The following SIRT1 variants were observed in gnomAD, a reference collection of about 807,000 sequenced individuals.
SIRT1 encodes the protein sirtuin 1, also known as NAD-dependent protein deacetylase sirtuin-1.
In SIRT1, 24 loss-of-function variants were observed where a neutral mutation model predicts 67.9. That is an observed-to-expected ratio of 0.35 (90% CI 0.26 to 0.50). The LOEUF (loss-of-function observed/expected upper bound fraction) is 0.50. SIRT1 is among the 20% of genes least tolerant of loss of function. SIRT1 has a pLI of 0.98. For synonymous variants in SIRT1, 378 were observed against 350.7 expected (o/e 1.08, Z -0.87); for missense variants, 873 against 937.2 (o/e 0.93, Z 0.89).
At chr10:67,885,351 C>T (rs932196022) in intron 1 of SIRT1, 200 bp downstream of exon 1, 12 of 1,235,892 alleles carry the variant, frequency 9.7e-6, no homozygotes, top group Middle Eastern at 3.1e-4. Flanking sequence ...CGCTCTTTTC[C>T]TCCGTCCGTG....
chr10:67,912,967 T>G lies in SIRT1; in HGVS notation c.1851T>G (p.Ala617=), dbSNP rs1424483144. The G allele has an allele frequency of 2.5e-6, 4 of 1,613,916 alleles. No homozygotes were observed. Among genetic ancestry groups the G allele is most frequent in the Non-Finnish European group, 3.4e-6 (4 of 1,179,978 alleles). ...AGAAAAATGAAAGAACTTCAGTGGC[T>G]GGAACAGTGAGAAAATGCTGGCCTA... ...TGEKNERTSV[A]GTVRKCWPNR... is the part of the protein sequence containing the mutation. The change falls in exon 8 of 9, where the codon GCT becomes GCG. Residue 617 remains alanine (A), a synonymous_variant. Coordinates refer to ENST00000212015, the MANE Select transcript of SIRT1 (RefSeq NM_012238.5).
intron 4 of SIRT1, among the ~76,000 whole-genome samples, chr10:67,892,778 T>G (rs1235834234): frequency 6.6e-6 from 1 of 152,050 alleles, no homozygotes; most frequent in African/African-American, 2.4e-5. Flanking sequence ...ATTTCTGTAT[T>G]TTTAGTAGAG....
chr10:67,886,824 T>C (rs902265267), intron 1 of SIRT1, among the ~76,000 whole-genome samples: 1 of 152,160 alleles, frequency 6.6e-6, no homozygotes, highest in African/African-American at 2.4e-5. Flanking sequence ...TTGTTTGTGA[T>C]TGTATGATAC....
intron 8 of SIRT1, among the ~76,000 whole-genome samples, chr10:67,913,862 G>C (rs1842937275): frequency 6.6e-6 from 1 of 152,120 alleles, no homozygotes; most frequent in South Asian, 2.1e-4. Flanking sequence ...GTCATTTGCT[G>C]TAAATACATT....
At chr10:67,890,004 G>C (rs1184030790) in intron 3 of SIRT1, among the ~76,000 whole-genome samples, 1 of 150,840 alleles carries the variant, frequency 6.6e-6, no homozygotes, top group African/African-American at 2.4e-5. Flanking sequence ...TTTGGATACA[G>C]GGTCTTGCTG....
chr10:67,897,971 T>TTA (rs1554890155), intron 4 of SIRT1, among the ~76,000 whole-genome samples: 2 of 110,346 alleles, frequency 1.8e-5, no homozygotes, highest in African/African-American at 3.5e-5. Flanking sequence ...TTTTTTTTTT[T>TTA]AAGTAGGACT....
At position 67,912,681 on chromosome 10, in the gene SIRT1, C is replaced by T. The variant is rs61754500; in HGVS notation, c.1565C>T (p.Ala522Val). Residue 522 changes from alanine (A) to valine (V), a missense_variant, in exon 8 of 9, where the codon GCT becomes GTT. This residue lies in a region of SIRT1 where 295 missense variants were observed against 294.5 expected (regional missense o/e 1.00). Coordinates refer to ENST00000212015, the MANE Select transcript of SIRT1 (RefSeq NM_012238.5). ...EKPPRTQKEL[A>V]YLSELPPTPL... ...CCTCCACGAACACAAAAAGAATTGGCTTATTTGTCAGAGTTGCCACCCACA... is the reference window on the plus strand; with the variant it reads ...CCTCCACGAACACAAAAAGAATTGGTTTATTTGTCAGAGTTGCCACCCACA... The T allele has an allele frequency of 4.3e-6, 7 of 1,613,972 alleles. No homozygotes were observed. Among genetic ancestry groups the T allele is most frequent in the Admixed American group, 3.3e-5 (2 of 59,984 alleles).
intron 4 of SIRT1, among the ~76,000 whole-genome samples, chr10:67,893,303 C>T (rs1304279801): frequency 6.6e-6 from 1 of 152,138 alleles, no homozygotes; most frequent in Non-Finnish European, 1.5e-5. Flanking sequence ...CCCTTGCCCC[C>T]CACCTCCTGA....
intron 4 of SIRT1, among the ~76,000 whole-genome samples, chr10:67,894,343 A>C (rs959346479): frequency 6.6e-6 from 1 of 152,240 alleles, no homozygotes; most frequent in East Asian, 1.9e-4. Context: ...AGAGCAGACA[A>C]CTGGTTCATA....
intron 4 of SIRT1, among the ~76,000 whole-genome samples, chr10:67,894,378 G>A (rs948887072): frequency 6.6e-6 from 1 of 152,148 alleles, no homozygotes; most frequent in Non-Finnish European, 1.5e-5. Context: ...ATAATGTAAA[G>A]TTATTTTTTG....
Position 67,917,940 on chromosome 10 carries a change from T to C in SIRT1, c.*1347T>C, listed in dbSNP as rs2029974375. 1 of 152,474 alleles carries C rather than the reference T, an allele frequency of 6.6e-6. No homozygotes were observed. Among genetic ancestry groups the C allele is most frequent in the Non-Finnish European group, 1.5e-5 (1 of 68,032 alleles). The allele number at this position is 152,474 out of a possible 1,614,324, so 9.4% of individuals were successfully genotyped here. A position where few individuals can be genotyped will look rare whatever the true frequency, so the allele number is the denominator to read the frequency against. On this transcript the variant is annotated 3_prime_UTR_variant, in exon 9 of 9. Transcript: ENST00000212015. Reference sequence around the variant, plus strand: ...ACATCACTCCTAAATTAATAAAGTATTCCTCTGTTGCTTTAGTATTTATTA... The same window carrying C: ...ACATCACTCCTAAATTAATAAAGTACTCCTCTGTTGCTTTAGTATTTATTA...
intron 3 of SIRT1, among the ~76,000 whole-genome samples, chr10:67,890,892 C>T (rs34124629): frequency 0.011 from 1,732 of 151,622 alleles, 21 homozygotes; most frequent in Middle Eastern, 0.031. Context: ...CAGCCGGTCG[C>T]GGTGGCAGGC....
At chr10:67,910,698 A>G (rs931262139) in intron 7 of SIRT1, among the ~76,000 whole-genome samples, 6 of 152,224 alleles carry the variant, frequency 3.9e-5, no homozygotes, top group African/African-American at 1.4e-4. Context: ...CATAACGGTG[A>G]TATGTCGATA....
In SIRT1 at chr10:67,912,902, G is replaced by GA; in HGVS notation, c.1790dup (p.Asn597LysfsTer10). 6.2e-7 allele frequency: 1 copy of GA among 1,614,132 alleles called. No homozygotes were observed. The highest frequency in any genetic ancestry group is 8.5e-7 in the Non-Finnish European group (1 of 1,180,006). ...TGTTGAAAGTATTGCTGAACAGATG[G>GA]AAAATCCGGATTTGAAGAATGTTGG... On this transcript the variant is annotated frameshift_variant, in exon 8 of 9. Transcript: ENST00000212015. LOFTEE classifies it high-confidence loss of function.
At chr10:67,899,821 A>AAACCT (rs1842714014) in intron 4 of SIRT1, among the ~76,000 whole-genome samples, 1 of 152,050 alleles carries the variant, frequency 6.6e-6, no homozygotes, top group Admixed American at 6.6e-5. Flanking sequence ...GCGGTGGCTC[A>AAACCT]CACCTGTAAA....
chr10:67,912,349 A>T, intron 7 of SIRT1, 125 bp from the exon 8 acceptor site: 1 of 769,642 alleles, frequency 1.3e-6, no homozygotes, highest in Admixed American at 2.8e-5. Context: ...TATTTAGTGC[A>T]TGGGTCTTTT....
chr10:67,887,348 C>A, intron 1 of SIRT1, 69 bp from the exon 2 acceptor site: 1 of 967,704 alleles, frequency 1.0e-6, no homozygotes, highest in Non-Finnish European at 1.7e-6. Context: ...AATGATTGCT[C>A]TATAACCGTT....
Position 67,900,390 on chromosome 10 carries a change from C to T in SIRT1, c.943-6400C>T, listed in dbSNP as rs1842723352. 2.6e-5 allele frequency among the ~76,000 whole-genome samples: 4 copies of T among 152,094 alleles called. No homozygotes were observed. In the South Asian group the frequency reaches 8.3e-4, roughly 32 times the overall value. ...GAACTCCTAACCTCAGGTGATCCGC[C>T]CACCTTGGCCTCCCAAAGTGCTGGG... On this transcript the variant is annotated intron_variant, in intron 4 of 8. Transcript: ENST00000212015.
At chr10:67,900,713 G>T (rs1589076823) in intron 4 of SIRT1, among the ~76,000 whole-genome samples, 1 of 152,058 alleles carries the variant, frequency 6.6e-6, no homozygotes, top group South Asian at 2.1e-4. Flanking sequence ...CAAAGTGCTG[G>T]GATTGTAGGC....
Sources: gnomAD v4.1 joint callset for allele counts (sites outside exome capture counted in the v4.1 genomes callset) on GRCh38, gnomAD v4.1.1 for gene constraint, gnomAD v4.1.1 regional missense constraint, MANE v1.5 for transcripts, NCBI Gene and HGNC (gene_info 2026-07-23, HGNC 2026-07-21) for gene names.